Variants in SETBP1 observed in about 807,000 individuals in gnomAD.
The protein encoded by SETBP1 is SET-binding protein.
A neutral mutation model predicts 101.0 loss-of-function variants in SETBP1; 9 were observed. The ratio of observed to expected loss-of-function variants is 0.09; its 90% CI spans 0.05 to 0.16. The LOEUF is 0.16. Among genes scored for constraint, SETBP1 ranks in the 10% least tolerant of loss-of-function variants. The pLI is 1.00. For missense variants in SETBP1, 1,858 were observed against 2,033.8 expected, an observed-to-expected ratio of 0.91 and a Z score of 1.66; for synonymous variants, 818 against 788.5, an observed-to-expected ratio of 1.04 and a Z score of -0.63.
At position 44,894,493 on chromosome 18, in the gene SETBP1, A is replaced by G. The variant is rs187085240; in HGVS notation, c.540+25210A>G. Among the ~76,000 whole-genome samples the G allele has an allele frequency of 2.8e-4, 43 of 152,230 alleles. 1 individual carries two copies. The highest frequency in any genetic ancestry group is 1.0e-3 in the African/African-American group (43 of 41,550). On this transcript the variant is annotated intron_variant, in intron 3 of 5. Transcript: ENST00000649279. ...TCATGAAGTTTAATTTGAATGTTAA[A>G]GGACCCCCTTGGTGCTCAGATAAAA...
intron 3 of SETBP1, among the ~76,000 whole-genome samples, chr18:44,948,571 A>C (rs1311814113): frequency 6.6e-6 from 1 of 152,148 alleles, no homozygotes; most frequent in African/African-American, 2.4e-5. Context: ...TAAATTCATG[A>C]AGCCAGTCAT....
At chr18:44,747,536 C>A (rs1012738563) in intron 2 of SETBP1, among the ~76,000 whole-genome samples, 4 of 152,262 alleles carry the variant, frequency 2.6e-5, no homozygotes, top group African/African-American at 9.6e-5. Context: ...CCTCCCAATC[C>A]AGAGCTTGCT....
intron 4 of SETBP1, 144 bp downstream of exon 4, chr18:44,953,484 G>A (rs2071414528): frequency 2.7e-6 from 2 of 738,544 alleles, no homozygotes; most frequent in Admixed American, 2.0e-5. Context: ...GCACATTTGA[G>A]TTTGCTGCAC....
At chr18:45,057,005 A>G (rs899889964) in intron 5 of SETBP1, among the ~76,000 whole-genome samples, 10 of 152,214 alleles carry the variant, frequency 6.6e-5, no homozygotes, top group Admixed American at 4.6e-4. Flanking sequence ...TTTTCAAAGA[A>G]ACCCCAAAGT....
At chr18:45,060,054 C>T (rs1438283209) in intron 5 of SETBP1, among the ~76,000 whole-genome samples, 2 of 152,130 alleles carry the variant, frequency 1.3e-5, no homozygotes, top group Admixed American at 1.3e-4. Context: ...CTTTTCTACC[C>T]AACTCTTTAA....
intron 2 of SETBP1, among the ~76,000 whole-genome samples, chr18:44,789,114 T>C (rs1347259649): frequency 6.6e-6 from 1 of 152,218 alleles, no homozygotes; most frequent in African/African-American, 2.4e-5. Flanking sequence ...CCTCCTGTTT[T>C]AAAACATGAT....
chr18:44,767,809 C>A (rs977781514), intron 2 of SETBP1, among the ~76,000 whole-genome samples: 1 of 152,140 alleles, frequency 6.6e-6, no homozygotes, highest in Admixed American at 6.5e-5. Flanking sequence ...ACGAAATAGA[C>A]GTTTCATAGA....
intron 4 of SETBP1, among the ~76,000 whole-genome samples, chr18:45,036,776 C>G (rs2073406591): frequency 6.6e-6 from 1 of 152,152 alleles, no homozygotes; most frequent in African/African-American, 2.4e-5. Flanking sequence ...ATGCCTTATC[C>G]AGGTGTGATA....
chr18:44,963,084 AT>A (rs1376611319), intron 4 of SETBP1, among the ~76,000 whole-genome samples: 1 of 152,154 alleles, frequency 6.6e-6, no homozygotes, highest in African/African-American at 2.4e-5. Context: ...TGACCAAGCC[AT>A]TTTTTGTTCA....
intron 2 of SETBP1, among the ~76,000 whole-genome samples, chr18:44,841,828 C>T (rs748136224): frequency 4.6e-5 from 7 of 152,128 alleles, no homozygotes; most frequent in East Asian, 1.9e-4. Flanking sequence ...TCTGAAGGAT[C>T]GGATTACCTT....
chr18:44,686,079 AGGACAG>A (rs1244596016), intron 1 of SETBP1, among the ~76,000 whole-genome samples: 15 of 152,258 alleles, frequency 9.9e-5, no homozygotes, highest in Non-Finnish European at 2.1e-4. Flanking sequence ...AATGGCATTC[AGGACAG>A]AATTTCTAGC....
chr18:44,857,922 AATC>A (rs1337241279), intron 2 of SETBP1, among the ~76,000 whole-genome samples: 2 of 152,182 alleles, frequency 1.3e-5, no homozygotes, highest in African/African-American at 2.4e-5. Flanking sequence ...TTGAGAGTGA[AATC>A]ATGGAGATTA....
intron 3 of SETBP1, chr18:44,877,460 G>C: frequency 1.2e-6 from 1 of 800,184 alleles, no homozygotes; most frequent in Non-Finnish European, 1.5e-6. Context: ...GTGAATATTT[G>C]TAATAGGAAT....
At chr18:45,018,942 G>A (rs2073003832) in intron 4 of SETBP1, among the ~76,000 whole-genome samples, 1 of 152,188 alleles carries the variant, frequency 6.6e-6, no homozygotes, top group Non-Finnish European at 1.5e-5. Flanking sequence ...GGACAATGGA[G>A]AGGAGGCACT....
chr18:44,990,102 C>T (rs1288428260), intron 4 of SETBP1, among the ~76,000 whole-genome samples: 2 of 151,868 alleles, frequency 1.3e-5, no homozygotes, highest in Non-Finnish European at 2.9e-5. Context: ...AGAGCAATAT[C>T]ATCTTTCAAA....
At chr18:44,957,177 G>A (rs2071504255) in intron 4 of SETBP1, among the ~76,000 whole-genome samples, 2 of 152,134 alleles carry the variant, frequency 1.3e-5, no homozygotes, top group African/African-American at 4.8e-5. Context: ...GGCCAGAAGA[G>A]CAAATGCATA....
chr18:44,703,308 A>G (rs927068811), intron 2 of SETBP1, among the ~76,000 whole-genome samples: 2 of 123,698 alleles, frequency 1.6e-5, no homozygotes, highest in Admixed American at 1.7e-4. Flanking sequence ...TCTTTTCTTT[A>G]TAGCCCGAAG....
intron 3 of SETBP1, among the ~76,000 whole-genome samples, chr18:44,889,230 G>A (rs1283762434): frequency 6.6e-6 from 1 of 152,074 alleles, no homozygotes; most frequent in African/African-American, 2.4e-5. Flanking sequence ...AACCTCCGTG[G>A]CTTTAAAAAC....
chr18:44,720,336 G>C (rs976567055), intron 2 of SETBP1, among the ~76,000 whole-genome samples: 7 of 152,150 alleles, frequency 4.6e-5, no homozygotes, highest in Non-Finnish European at 7.3e-5. Context: ...GTATTCACAT[G>C]AACATGATTA....
Sources: allele counts gnomAD v4.1 joint callset (sites outside exome capture counted in the v4.1 genomes callset), GRCh38; gene constraint gnomAD v4.1.1; transcripts MANE v1.5; gene names NCBI Gene and HGNC (gene_info 2026-07-23, HGNC 2026-07-21).